Variants in LZTFL1 observed in about 807,000 individuals in gnomAD.
The protein encoded by LZTFL1 is leucine zipper transcription factor-like protein 1.
LZTFL1 carries 25 observed loss-of-function variants against 45.9 expected under a neutral mutation model. The ratio of observed to expected loss-of-function variants is 0.54; its 90% CI spans 0.40 to 0.76. The LOEUF is 0.76. Ranked by LOEUF, LZTFL1 falls within the 30% of genes least tolerant of loss-of-function variation. The pLI is 0.00. For missense variants in LZTFL1, 277 were observed against 331.1 expected (o/e 0.84, Z 1.27); for synonymous variants, 93 against 117.4 (o/e 0.79, Z 1.35).
chr3:45,837,596 T>A (rs576250436), intron 2 of LZTFL1, among the ~76,000 whole-genome samples: 82 of 152,364 alleles, frequency 5.4e-4, no homozygotes, highest in Non-Finnish European at 1.1e-3. Flanking sequence ...AACCATTTAA[T>A]TAATAACTCA....
intron 2 of LZTFL1, among the ~76,000 whole-genome samples, chr3:45,859,837 A>C (rs1055169751): frequency 1.3e-5 from 2 of 152,110 alleles, no homozygotes; most frequent in African/African-American, 2.4e-5. Context: ...GGGTTTCACC[A>C]TGTTGGCCAG....
At chr3:45,912,451 A>T (rs1294761709) in intron 2 of LZTFL1, among the ~76,000 whole-genome samples, 1 of 152,148 alleles carries the variant, frequency 6.6e-6, no homozygotes, top group African/African-American at 2.4e-5. Context: ...ACTTGCTCTG[A>T]CCAACAGAAC....
At chr3:45,864,963 A>G (rs1301483642) in intron 2 of LZTFL1, among the ~76,000 whole-genome samples, 1 of 152,234 alleles carries the variant, frequency 6.6e-6, no homozygotes, top group African/African-American at 2.4e-5. Flanking sequence ...ACCAAGTACC[A>G]GAACAAATGG....
chr3:45,851,225 A>AT (rs59845792), intron 4 of LZTFL1, among the ~76,000 whole-genome samples: 111 of 135,048 alleles, frequency 8.2e-4, no homozygotes, highest in Non-Finnish European at 1.3e-3. Context: ...TTTAGCTGTG[A>AT]TTTTTTTTTT....
intron 4 of LZTFL1, 80 bp downstream of exon 4, chr3:45,834,158 G>T: frequency 1.3e-6 from 1 of 761,898 alleles, no homozygotes. Flanking sequence ...TCTCAGTTTT[G>T]ATCTCTGAAT....
chr3:45,912,192 T>G (rs1702806928), intron 2 of LZTFL1, among the ~76,000 whole-genome samples: 1 of 152,226 alleles, frequency 6.6e-6, no homozygotes, highest in Non-Finnish European at 1.5e-5. Flanking sequence ...CCATGAAGAT[T>G]GTTGCGTGTG....
At chr3:45,827,546 G>A in intron 8 of LZTFL1, 87 bp from the exon 9 acceptor site, 1 of 836,162 alleles carries the variant, frequency 1.2e-6, no homozygotes, top group Non-Finnish European at 2.0e-6. Context: ...AGTTTTTTTT[G>A]CTTGAATTTT....
intron 2 of LZTFL1, chr3:45,902,356 C>G (rs1474470983): frequency 5.8e-6 from 1 of 171,616 alleles, no homozygotes; most frequent in Non-Finnish European, 1.4e-5. Context: ...GGGAAATTTT[C>G]TACCCTGCTC....
intron 2 of LZTFL1, among the ~76,000 whole-genome samples, chr3:45,864,800 T>C (rs908812196): frequency 2.0e-5 from 3 of 151,904 alleles, no homozygotes; most frequent in Non-Finnish European, 1.5e-5. Context: ...AACAAGGGAG[T>C]AGGTTTTCTC....
chr3:45,870,979 T>C lies in LZTFL1; in HGVS notation c.-214-11963A>G, dbSNP rs140119050. Reference sequence around the variant, plus strand: ...ACATACCATCTATTATACAAGTTGCTTTATTTGTTCAGAAACATGCCCTGG... The same window carrying C: ...ACATACCATCTATTATACAAGTTGCCTTATTTGTTCAGAAACATGCCCTGG... On this transcript the variant is annotated intron_variant, in intron 2 of 4. Transcript: ENST00000472635. Among the ~76,000 whole-genome samples, 489 of 152,360 alleles carry C rather than the reference T, an allele frequency of 3.2e-3. 2 individuals are homozygous for C. The highest frequency in any genetic ancestry group is 0.017 in the Middle Eastern group (5 of 294).
intron 2 of LZTFL1, among the ~76,000 whole-genome samples, chr3:45,896,608 G>A (rs1203027674): frequency 2.0e-5 from 3 of 152,168 alleles, no homozygotes; most frequent in Non-Finnish European, 4.4e-5. Flanking sequence ...AGCCCTTGAG[G>A]GGTGCTGTTG....
chr3:45,913,090 T>C (rs1702830700), intron 2 of LZTFL1: 1 of 1,533,958 alleles, frequency 6.5e-7, no homozygotes, highest in Non-Finnish European at 8.7e-7. Context: ...GCAGTAGCAG[T>C]AATATGTTCT....
chr3:45,897,665 T>C, intron 2 of LZTFL1: 1 of 1,462,144 alleles, frequency 6.8e-7, no homozygotes, highest in Non-Finnish European at 9.2e-7. Context: ...ATGCTGGCCT[T>C]CCCACCTGCC....
intron 2 of LZTFL1, among the ~76,000 whole-genome samples, chr3:45,869,378 G>A (rs2191031): frequency 0.17 from 25,996 of 152,204 alleles, 2,713 homozygotes; most frequent in South Asian, 0.42. Flanking sequence ...GGAAAAAGAA[G>A]ACGCCATGCC....
chr3:45,894,410 G>A (rs1279354734), intron 2 of LZTFL1, among the ~76,000 whole-genome samples: 1 of 152,170 alleles, frequency 6.6e-6, no homozygotes, highest in Non-Finnish European at 1.5e-5. Flanking sequence ...CCCTTTTCCT[G>A]GGGAGTCCAG....
At chr3:45,911,709 C>T (rs1000970908) in intron 2 of LZTFL1, among the ~76,000 whole-genome samples, 3 of 152,258 alleles carry the variant, frequency 2.0e-5, no homozygotes, top group Non-Finnish European at 4.4e-5. Context: ...GGCTTCCTCC[C>T]AGGCCCTCCC....
chr3:45,828,716 T>A, intron 7 of LZTFL1, 101 bp from the exon 8 acceptor site: 1 of 1,093,004 alleles, frequency 9.1e-7, no homozygotes, highest in Non-Finnish European at 1.3e-6. Flanking sequence ...AAAAATGATG[T>A]ATGTTTTGTG....
Position 45,832,923 on chromosome 3 carries a change from TA to T in LZTFL1, c.456+126del, listed in dbSNP as rs1482258682. ...TTCTGGCCCATGGGGTACCATCAAG[TA>T]AAACTACTGCAATGGACTAATTATC... On this transcript the variant is annotated intron_variant, in intron 5 of 9. Coordinates refer to ENST00000296135, the MANE Select transcript of LZTFL1 (RefSeq NM_020347.4). The T allele has an allele frequency of 7.4e-6, 5 of 677,442 alleles. No homozygotes were observed. The African/African-American group carries it at 8.9e-5, about 12-fold the overall frequency. The allele number at this position is 677,442 out of a possible 1,614,324, so 42.0% of individuals were successfully genotyped here.
chr3:45,890,317 T>TATATATAACATATATA (rs1314296937), intron 2 of LZTFL1, among the ~76,000 whole-genome samples: 2 of 61,368 alleles, frequency 3.3e-5, no homozygotes, highest in Non-Finnish European at 5.7e-5. Context: ...ATATATATAT[T>TATATATAACATATATA]TATATAAATA....
Sources: allele counts gnomAD v4.1 joint callset (sites outside exome capture counted in the v4.1 genomes callset), GRCh38; gene constraint gnomAD v4.1.1; transcripts MANE v1.5; gene names NCBI Gene and HGNC (gene_info 2026-07-23, HGNC 2026-07-21).